The following EHBP1 variants were observed in gnomAD, a reference collection of about 807,000 sequenced individuals.
EHBP1 encodes the protein EH domain binding protein 1.
A neutral mutation model predicts 144.0 loss-of-function variants in EHBP1; 55 were observed. The observed-to-expected ratio is 0.38, with a 90% confidence interval of 0.31 to 0.48. EHBP1 has a LOEUF of 0.48. Ranked by LOEUF, EHBP1 falls within the 20% of genes least tolerant of loss-of-function variation. The pLI is 0.98. For synonymous variants in EHBP1, 469 were observed against 472.7 expected (o/e 0.99, Z 0.10); for missense variants, 1,200 against 1,364.2 (o/e 0.88, Z 1.90).
intron 3 of EHBP1, among the ~76,000 whole-genome samples, chr2:62,763,477 T>C (rs1025956901): frequency 6.6e-6 from 1 of 152,186 alleles, no homozygotes; most frequent in African/African-American, 2.4e-5. Context: ...TCTTAAGACA[T>C]GGACCGGCAC....
intron 10 of EHBP1, among the ~76,000 whole-genome samples, chr2:62,898,106 G>A (rs1428231309): frequency 1.3e-5 from 2 of 152,068 alleles, no homozygotes; most frequent in African/African-American, 4.8e-5. Context: ...GGTCACACAG[G>A]GCCTCAAAGG....
chr2:62,795,833 A>C (rs956458513), intron 5 of EHBP1, among the ~76,000 whole-genome samples: 2 of 152,016 alleles, frequency 1.3e-5, no homozygotes, highest in African/African-American at 4.8e-5. Flanking sequence ...CCCTTCCTTA[A>C]TAGATAATAG....
At chr2:62,840,496 A>T (rs1459991028) in intron 7 of EHBP1, among the ~76,000 whole-genome samples, 12 of 149,572 alleles carry the variant, frequency 8.0e-5, no homozygotes, top group Admixed American at 6.7e-4. Context: ...AATGGGATCT[A>T]ATTAAACTAA....
intron 7 of EHBP1, among the ~76,000 whole-genome samples, chr2:62,837,436 A>T (rs1374725622): frequency 6.6e-6 from 1 of 151,636 alleles, no homozygotes; most frequent in South Asian, 2.1e-4. Context: ...ATCAACTAAC[A>T]AGCAAAATCA....
At chr2:62,923,990 T>A (rs1171211242) in intron 10 of EHBP1, among the ~76,000 whole-genome samples, 4 of 152,010 alleles carry the variant, frequency 2.6e-5, no homozygotes, top group African/African-American at 7.2e-5. Flanking sequence ...GCCTCATGGG[T>A]CCCTACCCAG....
At chr2:62,858,039 C>T (rs2049207444) in intron 7 of EHBP1, among the ~76,000 whole-genome samples, 3 of 151,968 alleles carry the variant, frequency 2.0e-5, no homozygotes. Context: ...TCTGTAGTAT[C>T]AGAGTATATA....
rs1267701141 is a variant in EHBP1, at chr2:62,840,070, A to G, written c.634+8912A>G. Reference sequence around the variant, plus strand: ...AAAAGAACAAAGCTGGAGGCATCACACTACCTGACTTCAAACTATACTACA... The same window carrying G: ...AAAAGAACAAAGCTGGAGGCATCACGCTACCTGACTTCAAACTATACTACA... On this transcript the variant is annotated intron_variant, in intron 7 of 22. Coordinates refer to ENST00000431489, the MANE Select transcript of EHBP1 (RefSeq NM_001142616.3). Among the ~76,000 whole-genome samples, 30 of 152,002 alleles carry G rather than the reference A, an allele frequency of 2.0e-4. No individual in the cohort carries two copies. In the South Asian group the frequency reaches 2.3e-3, roughly 12 times the overall value.
At chr2:62,950,826 C>T (rs2057334280) in intron 13 of EHBP1, among the ~76,000 whole-genome samples, 2 of 152,088 alleles carry the variant, frequency 1.3e-5, no homozygotes, top group South Asian at 4.2e-4. Flanking sequence ...GCTGGGATCA[C>T]GGGCATGTGC....
intron 1 of EHBP1, among the ~76,000 whole-genome samples, chr2:62,691,639 T>C (rs2033909464): frequency 6.6e-6 from 1 of 152,154 alleles, no homozygotes; most frequent in Non-Finnish European, 1.5e-5. Flanking sequence ...CAACTGAAAA[T>C]CCTCTAATCC....
chr2:62,979,498 A>G (rs1559016904), intron 15 of EHBP1, among the ~76,000 whole-genome samples, 163 bp downstream of exon 15: 1 of 152,240 alleles, frequency 6.6e-6, no homozygotes, highest in East Asian at 1.9e-4. Flanking sequence ...AAATTAGAAG[A>G]TAACTGTTGC....
chr2:62,942,395 G>A (rs1013918991), intron 10 of EHBP1, among the ~76,000 whole-genome samples: 1 of 152,160 alleles, frequency 6.6e-6, no homozygotes, highest in Admixed American at 6.6e-5. Context: ...TTTTGAGGGT[G>A]TGAGAATTAC....
At chr2:62,747,369 T>C in intron 2 of EHBP1, 26 bp from the exon 3 acceptor site, 1 of 1,599,424 alleles carries the variant, frequency 6.3e-7, no homozygotes, top group South Asian at 1.1e-5. Context: ...AGATAAATTA[T>C]GTTTAACTTT....
chr2:62,914,460 T>G (rs938947380), intron 10 of EHBP1, among the ~76,000 whole-genome samples: 7 of 152,146 alleles, frequency 4.6e-5, no homozygotes, highest in Admixed American at 2.0e-4. Flanking sequence ...ATATAAATAT[T>G]AAAATCAAAT....
chr2:62,785,697 G>A (rs902625889), intron 5 of EHBP1, among the ~76,000 whole-genome samples: 69 of 151,618 alleles, frequency 4.6e-4, no homozygotes, highest in African/African-American at 1.5e-3. Context: ...ATATTTTAAG[G>A]CCCTGTATTC....
chr2:62,754,289 G>A (rs1268901757), intron 3 of EHBP1, among the ~76,000 whole-genome samples: 1 of 152,074 alleles, frequency 6.6e-6, no homozygotes, highest in Admixed American at 6.5e-5. Flanking sequence ...TATCACCAGT[G>A]AAGGCTGCAG....
exon 1 of EHBP1, chr2:62,674,056 G>A (rs1190500298): frequency 1.9e-5 from 9 of 470,930 alleles, no homozygotes; most frequent in South Asian, 1.2e-4. Flanking sequence ...AAAAAGCCAA[G>A]CCAACCACCT....
At chr2:62,895,278 TATCATCATCATC>T (rs10700628) in intron 10 of EHBP1, among the ~76,000 whole-genome samples, 423 of 149,802 alleles carry the variant, frequency 2.8e-3, no homozygotes, top group Middle Eastern at 0.014. Flanking sequence ...ATGTAAATTC[TATCATCATCATC>T]ATCATCATCA....
chr2:62,967,250 C>G (rs1359236096), intron 14 of EHBP1, among the ~76,000 whole-genome samples: 6 of 152,136 alleles, frequency 3.9e-5, no homozygotes, highest in Admixed American at 3.9e-4. Flanking sequence ...CCCTGTTCTG[C>G]TACTTACTTG....
At chr2:62,838,186 C>T (rs1182956671) in intron 7 of EHBP1, among the ~76,000 whole-genome samples, 18 of 151,986 alleles carry the variant, frequency 1.2e-4, no homozygotes, top group African/African-American at 3.9e-4. Flanking sequence ...ATTAAGAATC[C>T]CACTCAAAGC....
Sources: allele counts gnomAD v4.1 joint callset (sites outside exome capture counted in the v4.1 genomes callset), GRCh38; gene constraint gnomAD v4.1.1; transcripts MANE v1.5; gene names NCBI Gene and HGNC (gene_info 2026-07-23, HGNC 2026-07-21).